The following DNAAF11 variants were observed in gnomAD, a reference collection of about 807,000 sequenced individuals.
DNAAF11 encodes leucine rich repeat containing 6.
DNAAF11 carries 45 observed loss-of-function variants against 60.8 expected under a neutral mutation model. The observed-to-expected ratio is 0.74, with a 90% CI of 0.58 to 0.95. DNAAF11 has a LOEUF of 0.95. DNAAF11 is among the 40% of genes least tolerant of loss of function. The pLI is 0.00. For synonymous variants in DNAAF11, 191 were observed against 183.5 expected, an observed-to-expected ratio of 1.04 and a Z score of -0.33; for missense variants, 546 against 546.2, an observed-to-expected ratio of 1.00 and a Z score of 0.00.
In DNAAF11 at chr8:132,664,385, C is replaced by T. The variant is rs1824423229; in HGVS notation, c.11-2758G>A. Among the ~76,000 whole-genome samples, 12 of 152,228 alleles carry T rather than the reference C, an allele frequency of 7.9e-5. No homozygotes were observed. In the South Asian group the frequency reaches 2.5e-3, roughly 31 times the overall value. ...GTGAAAGGCTTTTCTAAATTGCCCA[C>T]TCTTAAAGATTTCCAGGGTTGACAA... On this transcript the variant is annotated intron_variant, in intron 1 of 11. Coordinates refer to ENST00000620350, the MANE Select transcript of DNAAF11 (RefSeq NM_012472.6).
rs568991971 is a variant in DNAAF11 at position 132,662,107 on chromosome 8, TTTA to T, written c.11-483_11-481del. On this transcript the variant is annotated intron_variant, in intron 1 of 11. Transcript: ENST00000620350. Reference sequence around the variant, plus strand: ...TCACAGGTCATTCATTTAACCAATGTTTATTAATTTAACTAAAGCTTAAAAGAA... The same window carrying T: ...TCACAGGTCATTCATTTAACCAATGTTTAATTTAACTAAAGCTTAAAAGAA... Among the ~76,000 whole-genome samples the T allele has an allele frequency of 3.7e-3, 567 of 152,332 alleles. 3 individuals are homozygous for T. The highest frequency in any genetic ancestry group is 6.2e-3 in the Non-Finnish European group (423 of 68,026).
intron 11 of DNAAF11, among the ~76,000 whole-genome samples, chr8:132,575,400 T>C (rs1384476509): frequency 6.6e-6 from 1 of 151,844 alleles, no homozygotes; most frequent in Non-Finnish European, 1.5e-5. Context: ...TGGATAAGAG[T>C]TCGTTATGAA....
chr8:132,642,926 A>G (rs530369515), intron 3 of DNAAF11, among the ~76,000 whole-genome samples: 8 of 152,352 alleles, frequency 5.3e-5, no homozygotes, highest in African/African-American at 1.9e-4. Flanking sequence ...GACTGGTTTC[A>G]TGGAAGACCA....
chr8:132,665,244 C>T lies in DNAAF11; in HGVS notation c.11-3617G>A, dbSNP rs112436525. 3.7e-3 allele frequency among the ~76,000 whole-genome samples: 559 copies of T among 152,024 alleles called. 3 individuals carry two copies. The highest frequency in any genetic ancestry group is 0.013 in the African/African-American group (525 of 41,468). On this transcript the variant is annotated intron_variant, in intron 1 of 11. Coordinates refer to ENST00000620350, the MANE Select transcript of DNAAF11 (RefSeq NM_012472.6). The stretch of plus-strand genomic sequence containing the variant: ...ACATCAGAACAAAAACCAGAGCCCC[C>T]GAGAAGAAATGTGTAAAGATATCTT...
rs986135201 is a variant in DNAAF11, at chr8:132,624,256, T to C, written c.836+1016A>G. On this transcript the variant is annotated intron_variant, in intron 6 of 11. Coordinates refer to ENST00000620350, the MANE Select transcript of DNAAF11 (RefSeq NM_012472.6). Reference sequence around the variant, plus strand: ...TCATCTGATTTTCTTAACAGTACAGTGGGGTAGGTAAGACAGGTATGATAA... The same window carrying C: ...TCATCTGATTTTCTTAACAGTACAGCGGGGTAGGTAAGACAGGTATGATAA... 2.0e-5 allele frequency among the ~76,000 whole-genome samples: 3 copies of C among 152,056 alleles called. 1 individual carries two copies. Among genetic ancestry groups the C allele is most frequent in the African/African-American group, 4.8e-5 (2 of 41,464 alleles).
intron 10 of DNAAF11, among the ~76,000 whole-genome samples, chr8:132,601,462 A>G (rs1214522210): frequency 1.3e-5 from 2 of 152,230 alleles, no homozygotes; most frequent in African/African-American, 4.8e-5. Flanking sequence ...TGCTACAAAG[A>G]CACATGCACA....
At chr8:132,575,031 T>C (rs1563957132) in intron 11 of DNAAF11, among the ~76,000 whole-genome samples, 1 of 152,178 alleles carries the variant, frequency 6.6e-6, no homozygotes, top group Non-Finnish European at 1.5e-5. Context: ...TGAAACCAAT[T>C]GTGTTATGAC....
At position 132,599,021 on chromosome 8, in the gene DNAAF11, C is replaced by T. The variant is rs549579473; in HGVS notation, c.1140+11145G>A. Among the ~76,000 whole-genome samples the T allele has an allele frequency of 1.7e-4, 26 of 151,938 alleles. No individual in the cohort carries two copies. The South Asian group carries it at 3.7e-3, about 22-fold the overall frequency. On this transcript the variant is annotated intron_variant, in intron 10 of 11. Transcript: ENST00000620350. Reference sequence around the variant, plus strand: ...GAAAAGATCAACAACATTGATAGACCGCTAGCAACACTAATACAGAAGAAA... The same window carrying T: ...GAAAAGATCAACAACATTGATAGACTGCTAGCAACACTAATACAGAAGAAA...
chr8:132,650,334 C>A (rs1300770520), intron 3 of DNAAF11, among the ~76,000 whole-genome samples: 3 of 151,144 alleles, frequency 2.0e-5, no homozygotes, highest in Non-Finnish European at 4.4e-5. Flanking sequence ...CACATGGACA[C>A]AGGGTGGGGA....
chr8:132,638,136 G>A, intron 3 of DNAAF11, 29 bp from the exon 4 acceptor site: 1 of 1,592,902 alleles, frequency 6.3e-7, no homozygotes, highest in Non-Finnish European at 8.6e-7. Context: ...TGAAAACAAA[G>A]CAAACAAAGA....
At chr8:132,655,620 A>T (rs898098410) in intron 3 of DNAAF11, among the ~76,000 whole-genome samples, 1 of 152,216 alleles carries the variant, frequency 6.6e-6, no homozygotes, top group Non-Finnish European at 1.5e-5. Flanking sequence ...AACAGTAAAA[A>T]GACAAATAAT....
chr8:132,614,104 C>A (rs2130057248), intron 8 of DNAAF11, among the ~76,000 whole-genome samples: 1 of 152,296 alleles, frequency 6.6e-6, no homozygotes, highest in Middle Eastern at 3.4e-3. Context: ...TTTAAGAATA[C>A]AAGTAAATTT....
At chr8:132,573,011 C>T (rs1814370642) in intron 11 of DNAAF11, among the ~76,000 whole-genome samples, 1 of 152,160 alleles carries the variant, frequency 6.6e-6, no homozygotes, top group East Asian at 1.9e-4. Context: ...CTTCTGCACT[C>T]ACTCAGTTTT....
the DNAAF11 span, among the ~76,000 whole-genome samples, chr8:132,684,153 A>C: frequency 6.6e-6 from 1 of 152,196 alleles, no homozygotes. Context: ...CTCACTTCTG[A>C]CACCAACTGC....
intron 3 of DNAAF11, among the ~76,000 whole-genome samples, chr8:132,653,489 A>G (rs1469640434): frequency 6.6e-6 from 1 of 152,182 alleles, no homozygotes; most frequent in Admixed American, 6.5e-5. Flanking sequence ...AGGTAAATAT[A>G]AAAGACAATA....
At chr8:132,638,174 T>A in intron 3 of DNAAF11, 67 bp from the exon 4 acceptor site, 1 of 1,124,688 alleles carries the variant, frequency 8.9e-7, no homozygotes, top group Non-Finnish European at 1.3e-6. Flanking sequence ...AAAACGTGTG[T>A]AACATCACAT....
chr8:132,681,259 C>T, the DNAAF11 span, among the ~76,000 whole-genome samples: 1 of 150,698 alleles, frequency 6.6e-6, no homozygotes, highest in Admixed American at 6.6e-5. Context: ...ATCCACCTGC[C>T]TTGGTCTCCC....
Position 132,638,142 on chromosome 8 carries a change from A to G in DNAAF11, c.257-35T>C, listed in dbSNP as rs376493452. The G allele has an allele frequency of 1.7e-4, 274 of 1,581,542 alleles. 1 individual carries two copies. The highest frequency in any genetic ancestry group is 2.4e-4 in the Non-Finnish European group (272 of 1,153,892). ...AAAATAAAGTGAAAACAAAGCAAAC[A>G]AAGAAAAATCACACTGGTAACAAAA... On this transcript the variant is annotated intron_variant, in intron 3 of 11. Transcript: ENST00000620350.
rs1178243544 is a variant in DNAAF11, at chr8:132,675,516, C to A, written c.-23G>T. 1.9e-6 allele frequency: 3 copies of A among 1,556,728 alleles called. No individual in the cohort carries two copies. The highest frequency in any genetic ancestry group is 2.6e-6 in the Non-Finnish European group (3 of 1,146,766). On this transcript the variant is annotated 5_prime_UTR_variant, in exon 1 of 12. Coordinates refer to ENST00000620350, the MANE Select transcript of DNAAF11 (RefSeq NM_012472.6). ...CATGGCGCCTCTCCAGTTCGCTGAC[C>A]CCGCAAGCCGGACCCGGACCTCGAA...
Sources: allele counts gnomAD v4.1 joint callset (sites outside exome capture counted in the v4.1 genomes callset), GRCh38; gene constraint gnomAD v4.1.1; transcripts MANE v1.5; gene names NCBI Gene and HGNC (gene_info 2026-07-23, HGNC 2026-07-21).